PREPL: variants seen among roughly 807,000 people sequenced by gnomAD.
The protein encoded by PREPL is prolyl endopeptidase-like.
Under a neutral mutation model 70.6 loss-of-function variants are expected in PREPL, and 77 were observed. The ratio of observed to expected loss-of-function variants is 1.09; its 90% CI spans 0.91 to 1.32. The LOEUF (loss-of-function observed/expected upper bound fraction) is 1.32, where lower values mean the gene tolerates loss of function less well. Ranked by LOEUF, PREPL falls within the 40% of genes most tolerant of loss-of-function variation. The probability of loss-of-function intolerance (pLI) is 0.00; values close to 1 mark genes in which losing one functional copy is unlikely to be tolerated. For synonymous variants in PREPL, 315 were observed against 264.8 expected (o/e 1.19, Z -1.84); for missense variants, 1,002 against 778.2 (o/e 1.29, Z -3.42).
At chr2:44,338,651 T>A in intron 6 of PREPL, 115 bp from the exon 7 acceptor site, 1 of 840,034 alleles carries the variant, frequency 1.2e-6, no homozygotes, top group South Asian at 1.8e-5. Context: ...TATGAAGAGC[T>A]GAAGGAACTA....
In PREPL at chr2:44,320,087, G is replaced by C; in HGVS notation, c.*1269C>G. 1 of 906,574 alleles carries C rather than the reference G, an allele frequency of 1.1e-6. No individual in the cohort carries two copies. Among genetic ancestry groups the C allele is most frequent in the Non-Finnish European group, 1.7e-6 (1 of 598,770 alleles). 56.2% of individuals were successfully genotyped at this position (906,574 alleles called of 1,614,324 possible). A position where few individuals can be genotyped will look rare whatever the true frequency, so the allele number is the denominator to read the frequency against. ...TGCTTACAATTTGGCAATTATAAGGGGCAAAATTGGAGCAAGTGTTTTGGG... is the reference window on the plus strand; with the variant it reads ...TGCTTACAATTTGGCAATTATAAGGCGCAAAATTGGAGCAAGTGTTTTGGG... On this transcript the variant is annotated 3_prime_UTR_variant, in exon 14 of 14. Transcript: ENST00000409411.
At chr2:44,327,067 G>A in intron 9 of PREPL, 139 bp from the exon 10 acceptor site, 1 of 690,278 alleles carries the variant, frequency 1.4e-6, no homozygotes, top group African/African-American at 1.8e-5. Context: ...AAGGTTGAGT[G>A]AAAACAAGGA....
In PREPL at chr2:44,318,095, GTTTTTT is replaced by G. The variant is rs11348872; in HGVS notation, c.*3255_*3260del. ...ATAATACTTAAAGGATCTCAACACT[GTTTTTT>G]TTTTTTTTTGAGACAGTCTTGCTCC... On this transcript the variant is annotated 3_prime_UTR_variant, in exon 14 of 14. Transcript: ENST00000409411. 5.0e-6 allele frequency: 2 copies of G among 396,944 alleles called. No individual in the cohort carries two copies. The highest frequency in any genetic ancestry group is 5.7e-5 in the Admixed American group (2 of 35,188). 24.6% of individuals were successfully genotyped at this position (396,944 alleles called of 1,614,324 possible). A position where few individuals can be genotyped will look rare whatever the true frequency, so the allele number is the denominator to read the frequency against.
upstream of PREPL, chr2:44,361,653 C>G (rs143310969): frequency 1.2e-4 from 26 of 225,564 alleles, no homozygotes; most frequent in East Asian, 2.2e-3. Flanking sequence ...TCTTTAGTCT[C>G]GAAATATATA....
intron 11 of PREPL, among the ~76,000 whole-genome samples, 196 bp from the exon 12 acceptor site, chr2:44,323,050 G>A (rs561314861): frequency 2.6e-5 from 4 of 152,098 alleles, no homozygotes; most frequent in African/African-American, 7.2e-5. Flanking sequence ...CTTGACTAAA[G>A]GACCTTAGCT....
intron 8 of PREPL, 152 bp downstream of exon 8, chr2:44,332,307 T>A (rs181974025): frequency 1.4e-5 from 9 of 622,774 alleles, no homozygotes; most frequent in African/African-American, 1.3e-4. Flanking sequence ...TTAAAAAAAA[T>A]TCACCTATCC....
intron 1 of PREPL, among the ~76,000 whole-genome samples, chr2:44,359,215 G>C (rs1314606969): frequency 6.6e-6 from 1 of 151,732 alleles, no homozygotes; most frequent in Non-Finnish European, 1.5e-5. Context: ...TTACAGGTGG[G>C]TGCCATGACG....
intron 1 of PREPL, among the ~76,000 whole-genome samples, chr2:44,347,720 G>A (rs1553360580): frequency 6.6e-6 from 1 of 152,214 alleles, no homozygotes; most frequent in Non-Finnish European, 1.5e-5. Context: ...ATTGTACAGT[G>A]ATTTGTACCA....
rs1343202116 is a variant in PREPL at position 44,321,303 on chromosome 2, T to A, written c.*53A>T. On this transcript the variant is annotated 3_prime_UTR_variant, in exon 14 of 14. Transcript: ENST00000409411. Reference sequence around the variant, plus strand: ...TTTTTTTTGCTAACTCAATTGGAAGTAAGACTATGAAATATTTCAGTGTGT... The same window carrying A: ...TTTTTTTTGCTAACTCAATTGGAAGAAAGACTATGAAATATTTCAGTGTGT... The A allele has an allele frequency of 1.4e-6, 2 of 1,407,212 alleles. No individual in the cohort carries two copies. Among genetic ancestry groups the A allele is most frequent in the African/African-American group, 1.4e-5 (1 of 69,960 alleles). The allele number at this position is 1,407,212 out of a possible 1,614,324, so 87.2% of individuals were successfully genotyped here.
intron 6 of PREPL, 96 bp downstream of exon 6, chr2:44,339,051 T>C (rs1483206404): frequency 1.3e-6 from 2 of 1,521,572 alleles, no homozygotes; most frequent in Non-Finnish European, 1.8e-6. Context: ...TGGCATCAAT[T>C]TATAAAACAA....
rs529424847 is a variant in PREPL, at chr2:44,324,365, A to G, written c.1480-954T>C. 4.3e-4 allele frequency among the ~76,000 whole-genome samples: 66 copies of G among 152,322 alleles called. 1 individual carries two copies. The highest frequency in any genetic ancestry group is 8.1e-4 in the Non-Finnish European group (55 of 68,032). ...TGAGTGCACTTACCACTACTGAACT[A>G]TTCACTTAAAAATGGTTGAGATGGT... On this transcript the variant is annotated intron_variant, in intron 10 of 13. Coordinates refer to ENST00000409411, the MANE Select transcript of PREPL (RefSeq NM_001171613.2).
intron 4 of PREPL, 70 bp downstream of exon 4, chr2:44,343,675 G>T: frequency 3.5e-6 from 5 of 1,434,856 alleles, no homozygotes; most frequent in South Asian, 1.2e-5. Flanking sequence ...CCTCACATGC[G>T]ACAAAAAAAT....
intron 1 of PREPL, among the ~76,000 whole-genome samples, chr2:44,348,647 T>C (rs1197301153): frequency 6.6e-6 from 1 of 152,134 alleles, no homozygotes; most frequent in Admixed American, 6.5e-5. Flanking sequence ...TGATTAACAT[T>C]TTTTCTGTCA....
In PREPL at chr2:44,319,533, G is replaced by A. The variant is rs1302521602; in HGVS notation, c.*1823C>T. The A allele has an allele frequency of 2.0e-5, 3 of 152,244 alleles. No individual in the cohort carries two copies. The highest frequency in any genetic ancestry group is 4.4e-5 in the Non-Finnish European group (3 of 68,144). 9.4% of individuals were successfully genotyped at this position (152,244 alleles called of 1,614,324 possible). A position where few individuals can be genotyped will look rare whatever the true frequency, so the allele number is the denominator to read the frequency against. ...TATTATATAGTCAATAACAGAAAATGCTTGAAAGGTTAGAAGTACATCATC... is the reference window on the plus strand; with the variant it reads ...TATTATATAGTCAATAACAGAAAATACTTGAAAGGTTAGAAGTACATCATC... On this transcript the variant is annotated 3_prime_UTR_variant, in exon 14 of 14. Transcript: ENST00000409411.
At chr2:44,322,098 G>C (rs979907206) in intron 12 of PREPL, among the ~76,000 whole-genome samples, 198 bp from the exon 13 acceptor site, 1 of 152,098 alleles carries the variant, frequency 6.6e-6, no homozygotes, top group Non-Finnish European at 1.5e-5. Flanking sequence ...GCGAAAGCAG[G>C]AAGAGGCCGT....
chr2:44,335,523 C>T (rs1674547854), intron 7 of PREPL, among the ~76,000 whole-genome samples: 1 of 152,134 alleles, frequency 6.6e-6, no homozygotes, highest in Non-Finnish European at 1.5e-5. Context: ...GAAAACTGGA[C>T]CCCTTCCTTA....
intron 2 of PREPL, among the ~76,000 whole-genome samples, chr2:44,345,911 G>A (rs1326973450): frequency 6.6e-6 from 1 of 152,156 alleles, no homozygotes; most frequent in Non-Finnish European, 1.5e-5. Context: ...GGAGGCTGAG[G>A]TGGGAGGGTT....
At chr2:44,359,757 G>T in intron 1 of PREPL, 1 of 1,363,802 alleles carries the variant, frequency 7.3e-7, no homozygotes, top group Non-Finnish European at 1.0e-6. Context: ...GGGGCTGCCA[G>T]CACACGAATG....
In PREPL at chr2:44,319,307, T is replaced by C. The variant is rs1041197962; in HGVS notation, c.*2049A>G. The C allele has an allele frequency of 2.0e-5, 3 of 152,728 alleles. No individual in the cohort carries two copies. The South Asian group carries it at 6.2e-4, about 32-fold the overall frequency. 9.5% of individuals were successfully genotyped at this position (152,728 alleles called of 1,614,324 possible). ...TGGCAACAGCTCTTATGAAGAATAA[T>C]TTGGCATTATGTATCAAGTGCCCAT... On this transcript the variant is annotated 3_prime_UTR_variant, in exon 14 of 14. Coordinates refer to ENST00000409411, the MANE Select transcript of PREPL (RefSeq NM_001171613.2).
Sources: allele counts gnomAD v4.1 joint callset (sites outside exome capture counted in the v4.1 genomes callset), GRCh38; gene constraint gnomAD v4.1.1; transcripts MANE v1.5; gene names NCBI Gene and HGNC (gene_info 2026-07-23, HGNC 2026-07-21).